Variants in NEO1 observed in about 807,000 individuals in gnomAD.
NEO1 encodes the protein neogenin 1, also known as neogenin.
Under a neutral mutation model 159.7 loss-of-function variants are expected in NEO1, and 63 were observed. The observed-to-expected ratio is 0.39, with a 90% CI of 0.32 to 0.49. The LOEUF (loss-of-function observed/expected upper bound fraction) is 0.49. NEO1 is among the 20% of genes least tolerant of loss of function. NEO1 has a pLI of 0.85. For missense variants in NEO1, 1,615 were observed against 1,831.0 expected (o/e 0.88, Z 2.15); for synonymous variants, 633 against 662.0 (o/e 0.96, Z 0.67).
intron 15 of NEO1, 125 bp from the exon 16 acceptor site, chr15:73,266,191 C>T (rs2040883019): frequency 4.6e-6 from 3 of 650,740 alleles, no homozygotes; most frequent in East Asian, 5.4e-5. Flanking sequence ...TGAAATAATC[C>T]CCCATAAAAA....
chr15:73,140,804 T>C (rs1346425924), intron 5 of NEO1, among the ~76,000 whole-genome samples: 1 of 152,148 alleles, frequency 6.6e-6, no homozygotes, highest in Non-Finnish European at 1.5e-5. Flanking sequence ...TGGGTAAATA[T>C]CACAAACACC....
At chr15:73,200,127 C>T (rs913055023) in intron 7 of NEO1, among the ~76,000 whole-genome samples, 4 of 152,122 alleles carry the variant, frequency 2.6e-5, no homozygotes, top group East Asian at 1.9e-4. Context: ...TATCCTTTTA[C>T]GGTTTGGTAG....
rs35979398 is a variant in NEO1, at chr15:73,251,513, C to CAA, written c.1894+1811_1894+1812dup. On this transcript the variant is annotated intron_variant, in intron 11 of 28. Coordinates refer to ENST00000261908, the MANE Select transcript of NEO1 (RefSeq NM_002499.4). ...TGGATGACAGAGTGAGAAGCTGTCT[C>CAA]AAAAAAAAAAAAAAAAAAAAGTTGG... Among the ~76,000 whole-genome samples, 33 of 94,400 alleles carry CAA rather than the reference C, an allele frequency of 3.5e-4. No homozygotes were observed. The South Asian group carries it at 4.6e-3, about 13-fold the overall frequency. 61.9% of individuals were successfully genotyped at this position (94,400 alleles called of 152,430 possible). A position where few individuals can be genotyped will look rare whatever the true frequency, so the allele number is the denominator to read the frequency against.
chr15:73,071,814 C>T (rs894657364), intron 1 of NEO1, among the ~76,000 whole-genome samples: 8 of 152,134 alleles, frequency 5.3e-5, no homozygotes. Flanking sequence ...CCACACCTGG[C>T]CCACTTTTGT....
At chr15:73,294,782 C>T (rs1404210849) in intron 26 of NEO1, among the ~76,000 whole-genome samples, 12 of 152,124 alleles carry the variant, frequency 7.9e-5, no homozygotes, top group South Asian at 2.1e-4. Context: ...TCAAGTGATC[C>T]GCCTGCATTG....
chr15:73,254,063 C>G (rs1037993551), intron 12 of NEO1, among the ~76,000 whole-genome samples: 1 of 152,120 alleles, frequency 6.6e-6, no homozygotes, highest in Non-Finnish European at 1.5e-5. Context: ...CAGTGGCTCA[C>G]GCCTGTAGTC....
At chr15:73,183,266 T>C (rs762575161) in intron 7 of NEO1, among the ~76,000 whole-genome samples, 24 of 152,040 alleles carry the variant, frequency 1.6e-4, no homozygotes, top group Non-Finnish European at 3.4e-4. Flanking sequence ...TCCCATTTAC[T>C]CAGACCCTTC....
At chr15:73,278,068 T>A (rs2041498429) in intron 21 of NEO1, 63 bp from the exon 22 acceptor site, 1 of 1,432,188 alleles carries the variant, frequency 7.0e-7, no homozygotes, top group African/African-American at 1.4e-5. Context: ...ACTCCCTAGC[T>A]ATGAAGTGGA....
intron 4 of NEO1, among the ~76,000 whole-genome samples, chr15:73,130,314 C>T (rs952344091): frequency 7.4e-5 from 11 of 149,638 alleles, no homozygotes; most frequent in Admixed American, 4.0e-4. Context: ...TCCCGCCCCC[C>T]CCGCCGCATA....
intron 7 of NEO1, among the ~76,000 whole-genome samples, chr15:73,191,371 T>A (rs894339095): frequency 6.6e-6 from 1 of 151,502 alleles, no homozygotes; most frequent in African/African-American, 2.4e-5. Flanking sequence ...AGAGTATCGA[T>A]GAGAATTCAA....
Position 73,052,647 on chromosome 15 carries a change from C to G in NEO1, c.-29C>G. 2.4e-6 allele frequency: 3 copies of G among 1,248,202 alleles called. No homozygotes were observed. The highest frequency in any genetic ancestry group is 4.3e-5 in the South Asian group (2 of 46,620). 77.3% of individuals were successfully genotyped at this position (1,248,202 alleles called of 1,614,324 possible). The stretch of plus-strand genomic sequence containing the variant: ...GGCAAGGGCTCCGCGGCGCTGTCGC[C>G]GCCGCTGCCGCTCACTCTCGGGGAA... On this transcript the variant is annotated 5_prime_UTR_variant, in exon 1 of 29. Transcript: ENST00000261908.
At chr15:73,166,029 C>T (rs1488755774) in intron 5 of NEO1, among the ~76,000 whole-genome samples, 1 of 152,166 alleles carries the variant, frequency 6.6e-6, no homozygotes, top group Non-Finnish European at 1.5e-5. Context: ...CCTCCCTGTG[C>T]AAGTTCCCTT....
intron 5 of NEO1, among the ~76,000 whole-genome samples, chr15:73,149,611 A>G (rs970201222): frequency 6.1e-4 from 44 of 72,392 alleles, no homozygotes; most frequent in Admixed American, 2.2e-4. Context: ...AAGTAGAAGG[A>G]AAAAAAAGAT....
At chr15:73,170,391 A>G (rs2034875931) in intron 5 of NEO1, among the ~76,000 whole-genome samples, 1 of 152,216 alleles carries the variant, frequency 6.6e-6, no homozygotes, top group African/African-American at 2.4e-5. Flanking sequence ...AATTGAAAAT[A>G]TCAGTAGGAA....
chr15:73,135,284 G>A (rs2031619282), intron 4 of NEO1, among the ~76,000 whole-genome samples: 2 of 151,994 alleles, frequency 1.3e-5, no homozygotes, highest in South Asian at 2.1e-4. Flanking sequence ...GTTGATAATG[G>A]CATGATGGTG....
At chr15:73,201,495 G>C (rs557410075) in intron 7 of NEO1, among the ~76,000 whole-genome samples, 1 of 152,096 alleles carries the variant, frequency 6.6e-6, no homozygotes, top group African/African-American at 2.4e-5. Flanking sequence ...TGTCTATCTT[G>C]GTGAATTTCC....
intron 5 of NEO1, among the ~76,000 whole-genome samples, chr15:73,153,246 C>T (rs886353473): frequency 6.6e-6 from 1 of 152,204 alleles, no homozygotes; most frequent in South Asian, 2.1e-4. Context: ...ATGCTTTTCT[C>T]TTCTGGAAAC....
intron 7 of NEO1, among the ~76,000 whole-genome samples, chr15:73,219,942 A>T (rs1008064135): frequency 2.0e-5 from 3 of 151,266 alleles, no homozygotes; most frequent in African/African-American, 7.3e-5. Flanking sequence ...TAATATTGTT[A>T]TGTGTGAATT....
intron 1 of NEO1, among the ~76,000 whole-genome samples, chr15:73,112,230 G>A (rs1185999715): frequency 6.6e-6 from 1 of 151,712 alleles, no homozygotes; most frequent in Non-Finnish European, 1.5e-5. Flanking sequence ...AATATTCTAA[G>A]GCAAGGATCA....
Sources: gnomAD v4.1 joint callset for allele counts (sites outside exome capture counted in the v4.1 genomes callset) on GRCh38, gnomAD v4.1.1 for gene constraint, MANE v1.5 for transcripts, NCBI Gene and HGNC (gene_info 2026-07-23, HGNC 2026-07-21) for gene names.